The following KCNH7 variants were observed in gnomAD, a reference collection of about 807,000 sequenced individuals.
KCNH7 encodes the protein potassium voltage-gated channel subfamily H member 7.
KCNH7 carries 49 observed loss-of-function variants against 120.8 expected under a neutral mutation model. The observed-to-expected ratio is 0.41, with a 90% CI of 0.32 to 0.51. The LOEUF (loss-of-function observed/expected upper bound fraction) is 0.51, where lower values mean the gene tolerates loss of function less well. KCNH7 is among the 20% of genes least tolerant of loss of function. The pLI is 0.38. For synonymous variants in KCNH7, 547 were observed against 516.1 expected (o/e 1.06, Z -0.81); for missense variants, 1,097 against 1,446.6 (o/e 0.76, Z 3.92).
intron 5 of KCNH7, among the ~76,000 whole-genome samples, chr2:162,512,383 C>T (rs1284260466): frequency 6.6e-6 from 1 of 151,658 alleles, no homozygotes; most frequent in Non-Finnish European, 1.5e-5. Context: ...TTGTGTTTTT[C>T]CAAGTGATTT....
At chr2:162,804,780 A>C (rs1335849235) in intron 2 of KCNH7, among the ~76,000 whole-genome samples, 1 of 148,304 alleles carries the variant, frequency 6.7e-6, no homozygotes, top group African/African-American at 2.4e-5. Context: ...AAAAAAAAAG[A>C]GACAAATAGC....
chr2:162,653,675 G>C (rs915197497), intron 2 of KCNH7, among the ~76,000 whole-genome samples: 2 of 152,140 alleles, frequency 1.3e-5, no homozygotes, highest in African/African-American at 4.8e-5. Flanking sequence ...AACTACAGAA[G>C]AGCCCAAATA....
At chr2:162,429,573 T>C (rs1357030942) in intron 8 of KCNH7, among the ~76,000 whole-genome samples, 1 of 151,624 alleles carries the variant, frequency 6.6e-6, no homozygotes, top group Non-Finnish European at 1.5e-5. Context: ...AAACACAGAT[T>C]CCTATGTTGA....
In KCNH7 at chr2:162,737,274, C is replaced by T. The variant is rs80116721; in HGVS notation, c.307+99263G>A. 6.2e-3 allele frequency among the ~76,000 whole-genome samples: 940 copies of T among 152,144 alleles called. 14 individuals carry two copies. Among genetic ancestry groups the T allele is most frequent in the African/African-American group, 0.021 (887 of 41,488 alleles). On this transcript the variant is annotated intron_variant, in intron 2 of 15. Coordinates refer to ENST00000332142, the MANE Select transcript of KCNH7 (RefSeq NM_033272.4). ...AAGGGCTCGTAAGCTCTAAGAGAAG[C>T]AGCTGCTAATGGGTTCAGAGAGGAC...
At chr2:162,396,977 A>T in intron 10 of KCNH7, 32 bp from the exon 11 acceptor site, 1 of 1,440,682 alleles carries the variant, frequency 6.9e-7, no homozygotes. Context: ...GAGGCGGGGA[A>T]AGGGAATCCA....
chr2:162,676,544 A>G (rs1489257716), intron 2 of KCNH7, among the ~76,000 whole-genome samples: 1 of 151,536 alleles, frequency 6.6e-6, no homozygotes, highest in Admixed American at 6.6e-5. Context: ...GAAAAGGGAC[A>G]AAATAGAAAG....
intron 7 of KCNH7, among the ~76,000 whole-genome samples, chr2:162,439,833 A>T (rs941683626): frequency 1.2e-4 from 18 of 151,008 alleles, no homozygotes; most frequent in East Asian, 1.9e-4. Flanking sequence ...CTATTTAAAA[A>T]ATATATATAT....
At chr2:162,467,614 C>G (rs1689351832) in intron 6 of KCNH7, among the ~76,000 whole-genome samples, 2 of 152,202 alleles carry the variant, frequency 1.3e-5, no homozygotes, top group Admixed American at 1.3e-4. Context: ...AACTGTGAAG[C>G]AGGTAAACCT....
chr2:162,527,535 T>C (rs547438871), intron 3 of KCNH7, among the ~76,000 whole-genome samples: 1 of 152,116 alleles, frequency 6.6e-6, no homozygotes, highest in South Asian at 2.1e-4. Context: ...TTGAGGCAAA[T>C]GTGTATTTTA....
chr2:162,375,240 G>A (rs1031536398), intron 14 of KCNH7, among the ~76,000 whole-genome samples: 1 of 152,184 alleles, frequency 6.6e-6, no homozygotes, highest in Non-Finnish European at 1.5e-5. Flanking sequence ...TACATTGAAT[G>A]TAAAAGGATT....
intron 2 of KCNH7, among the ~76,000 whole-genome samples, chr2:162,817,020 G>T (rs1356731689): frequency 2.0e-5 from 3 of 152,088 alleles, no homozygotes; most frequent in African/African-American, 7.2e-5. Flanking sequence ...TCTGGGTAAT[G>T]ATCATGTGGT....
intron 2 of KCNH7, among the ~76,000 whole-genome samples, chr2:162,774,583 T>C (rs1331198999): frequency 6.6e-6 from 1 of 152,198 alleles, no homozygotes; most frequent in Non-Finnish European, 1.5e-5. Context: ...GTTCCCAAGA[T>C]GAACTGGCAT....
intron 2 of KCNH7, among the ~76,000 whole-genome samples, chr2:162,560,687 C>G (rs1342289059): frequency 6.6e-6 from 1 of 152,174 alleles, no homozygotes; most frequent in African/African-American, 2.4e-5. Flanking sequence ...TTTAATGTCT[C>G]TATCATTCTT....
chr2:162,800,062 G>A (rs1684288679), intron 2 of KCNH7, among the ~76,000 whole-genome samples: 1 of 151,382 alleles, frequency 6.6e-6, no homozygotes. Context: ...TAAGATAAAA[G>A]ATTTCTTATC....
intron 2 of KCNH7, among the ~76,000 whole-genome samples, chr2:162,660,468 A>G (rs988452503): frequency 6.6e-6 from 1 of 152,132 alleles, no homozygotes; most frequent in African/African-American, 2.4e-5. Context: ...GTGGTCTGAG[A>G]GTATCCATTG....
At chr2:162,526,937 G>A (rs1691726252) in intron 3 of KCNH7, among the ~76,000 whole-genome samples, 2 of 152,102 alleles carry the variant, frequency 1.3e-5, no homozygotes, top group East Asian at 2.0e-4. Context: ...AAAGACAGGC[G>A]TAAGAAATTA....
At position 162,545,702 on chromosome 2, in the gene KCNH7, C is replaced by A. The variant is rs74645649; in HGVS notation, c.308-8622G>T. ...TAAAATATGATAGAGTTTTTCACAT[C>A]CCAGGACCAATTCATACTGCTTGAC... is the stretch of plus-strand genomic sequence containing the variant. On this transcript the variant is annotated intron_variant, in intron 2 of 15. Transcript: ENST00000332142. Among the ~76,000 whole-genome samples, 560 of 152,198 alleles carry A rather than the reference C, an allele frequency of 3.7e-3. 24 individuals carry two copies. In the East Asian group the frequency reaches 0.096, roughly 26 times the overall value.
chr2:162,751,569 T>C (rs1055615004), intron 2 of KCNH7, among the ~76,000 whole-genome samples: 9 of 151,708 alleles, frequency 5.9e-5, no homozygotes, highest in Non-Finnish European at 1.5e-5. Flanking sequence ...AAAGAATTTT[T>C]TACAAATTGC....
At chr2:162,566,194 A>G (rs1693247241) in intron 2 of KCNH7, among the ~76,000 whole-genome samples, 1 of 151,974 alleles carries the variant, frequency 6.6e-6, no homozygotes, top group Non-Finnish European at 1.5e-5. Flanking sequence ...TCTGTTGTTT[A>G]TTATTCTGTG....
Sources: gnomAD v4.1 joint callset for allele counts (sites outside exome capture counted in the v4.1 genomes callset) on GRCh38, gnomAD v4.1.1 for gene constraint, MANE v1.5 for transcripts, NCBI Gene and HGNC (gene_info 2026-07-23, HGNC 2026-07-21) for gene names.